RC3H2: variants seen among roughly 807,000 people sequenced by gnomAD.
RC3H2 encodes ring finger and CCCH-type domains 2.
Under a neutral mutation model 133.3 loss-of-function variants are expected in RC3H2, and 31 were observed. The observed-to-expected ratio is 0.23, with a 90% CI of 0.17 to 0.31. RC3H2 has a LOEUF of 0.31. Ranked by LOEUF, RC3H2 falls within the 10% of genes least tolerant of loss-of-function variation. The pLI is 1.00. For missense variants in RC3H2, 1,175 were observed against 1,437.2 expected, an observed-to-expected ratio of 0.82 and a Z score of 2.95; for synonymous variants, 517 against 502.2, an observed-to-expected ratio of 1.03 and a Z score of -0.40.
intron 9 of RC3H2, among the ~76,000 whole-genome samples, chr9:122,867,585 G>C (rs1290388870): frequency 2.6e-5 from 3 of 116,516 alleles, no homozygotes; most frequent in Non-Finnish European, 3.8e-5. Flanking sequence ...AGTGAGAAGC[G>C]TCTGCCCGGC....
At chr9:122,884,814 C>T (rs1455285034) in intron 4 of RC3H2, among the ~76,000 whole-genome samples, 1 of 150,548 alleles carries the variant, frequency 6.6e-6, no homozygotes, top group Non-Finnish European at 1.5e-5. Context: ...GATTACGCCA[C>T]TGCACTCCAG....
chr9:122,850,872 A>C (rs1398572219), intron 20 of RC3H2, among the ~76,000 whole-genome samples: 1 of 152,226 alleles, frequency 6.6e-6, no homozygotes, highest in Non-Finnish European at 1.5e-5. Context: ...GATTAACTTT[A>C]TCTCAACAAA....
intron 3 of RC3H2, among the ~76,000 whole-genome samples, chr9:122,892,345 T>C (rs370588985): frequency 1.3e-4 from 20 of 152,168 alleles, no homozygotes; most frequent in African/African-American, 4.8e-4. Flanking sequence ...ACTCCTGGGC[T>C]CAAGAAATCT....
chr9:122,891,415 A>G (rs181017906), intron 3 of RC3H2, among the ~76,000 whole-genome samples: 40 of 152,236 alleles, frequency 2.6e-4, no homozygotes, highest in Admixed American at 5.2e-4. Flanking sequence ...TACTTAGCCA[A>G]TTGTAGATCA....
At chr9:122,875,478 C>T (rs903038977) in intron 9 of RC3H2, 15 of 1,380,248 alleles carry the variant, frequency 1.1e-5, no homozygotes, top group Non-Finnish European at 1.4e-5. Context: ...TTGTCTGTGG[C>T]TGTTTTTTTG....
chr9:122,867,903 GC>G (rs1442061631), intron 9 of RC3H2, among the ~76,000 whole-genome samples: 1 of 38,722 alleles, frequency 2.6e-5, no homozygotes, highest in Non-Finnish European at 7.4e-5. Context: ...GGGGGGGTCA[GC>G]CCCCCGCCCA....
At chr9:122,853,375 C>T in intron 18 of RC3H2, among the ~76,000 whole-genome samples, 1 of 76,394 alleles carries the variant, frequency 1.3e-5, no homozygotes, top group African/African-American at 6.7e-5. Flanking sequence ...CAAGAATGAT[C>T]AATAAAAAAA....
chr9:122,852,764 G>T lies in RC3H2; in HGVS notation c.3117+1188C>A, dbSNP rs1419098398. On this transcript the variant is annotated intron_variant, in intron 18 of 20. Coordinates refer to ENST00000357244, the MANE Select transcript of RC3H2 (RefSeq NM_001100588.3). ...CCCCGTCCGGGAGGGAGGTGGGGGGGTCAGCCCCCCGCCTGGCCAGCCGCC... is the reference window on the plus strand; with the variant it reads ...CCCCGTCCGGGAGGGAGGTGGGGGGTTCAGCCCCCCGCCTGGCCAGCCGCC... Among the ~76,000 whole-genome samples the T allele has an allele frequency of 2.7e-3, 404 of 149,954 alleles. 1 individual carries two copies. Among genetic ancestry groups the T allele is most frequent in the Non-Finnish European group, 4.1e-3 (276 of 67,360 alleles).
chr9:122,905,072 C>T (rs914878480), intron 1 of RC3H2, 38 bp downstream of exon 1: 3 of 984,922 alleles, frequency 3.0e-6, no homozygotes, highest in African/African-American at 3.5e-5. Flanking sequence ...GGCACCCGGG[C>T]TGGGGCCCGA....
intron 13 of RC3H2, among the ~76,000 whole-genome samples, chr9:122,856,923 A>C (rs1830272478): frequency 6.6e-6 from 1 of 152,260 alleles, no homozygotes; most frequent in South Asian, 2.1e-4. Flanking sequence ...TCTAGCAAGC[A>C]AGTGGCAGCT....
chr9:122,893,745 T>G (rs1441571681), intron 2 of RC3H2, among the ~76,000 whole-genome samples: 1 of 152,002 alleles, frequency 6.6e-6, no homozygotes, highest in Non-Finnish European at 1.5e-5. Context: ...ACACAGTTGT[T>G]TTTTTTTCCC....
intron 9 of RC3H2, among the ~76,000 whole-genome samples, chr9:122,871,574 C>T (rs560962142): frequency 3.4e-4 from 52 of 152,072 alleles, no homozygotes; most frequent in African/African-American, 1.2e-3. Flanking sequence ...CCGCCTGCCT[C>T]GGCCTCCCAA....
rs1829868058 is a variant in RC3H2 at position 122,846,347 on chromosome 9, T to C, written c.*3280A>G. On this transcript the variant is annotated 3_prime_UTR_variant, in exon 21 of 21. Transcript: ENST00000357244. Reference sequence around the variant, plus strand: ...CACTGGCCTAATGAACTCCCTTTTTTTTGAAAATTACAATGCACAACTTTC... The same window carrying C: ...CACTGGCCTAATGAACTCCCTTTTTCTTGAAAATTACAATGCACAACTTTC... 6.6e-6 allele frequency: 1 copy of C among 152,194 alleles called. No individual in the cohort carries two copies. Among genetic ancestry groups the C allele is most frequent in the South Asian group, 2.1e-4 (1 of 4,834 alleles). 9.4% of individuals were successfully genotyped at this position (152,194 alleles called of 1,614,324 possible).
intron 18 of RC3H2, chr9:122,851,663 G>C: frequency 2.0e-6 from 1 of 499,576 alleles, no homozygotes; most frequent in Non-Finnish European, 3.5e-6. Context: ...CGCCTGACTG[G>C]TTTTCGTATT....
intron 9 of RC3H2, chr9:122,873,929 C>G (rs544528217): frequency 6.6e-6 from 1 of 152,014 alleles, no homozygotes; most frequent in Non-Finnish European, 1.5e-5. Flanking sequence ...GCCATTCTCC[C>G]GCCTCAGCCT....
chr9:122,852,939 AG>A (rs1299925516), intron 18 of RC3H2, among the ~76,000 whole-genome samples: 1 of 152,212 alleles, frequency 6.6e-6, no homozygotes, highest in Non-Finnish European at 1.5e-5. Flanking sequence ...TGGAATAGAA[AG>A]GGGGGAAAGG....
chr9:122,892,654 G>A (rs182589397), intron 3 of RC3H2, among the ~76,000 whole-genome samples: 11 of 152,166 alleles, frequency 7.2e-5, no homozygotes, highest in Middle Eastern at 3.4e-3. Context: ...CTTGTGATCC[G>A]CCCGCGCTGG....
At position 122,852,411 on chromosome 9, in the gene RC3H2, G is replaced by T. The variant is rs1345735765; in HGVS notation, c.3118-975C>A. On this transcript the variant is annotated intron_variant, in intron 18 of 20. Coordinates refer to ENST00000357244, the MANE Select transcript of RC3H2 (RefSeq NM_001100588.3). ...GCCCCGTCCGGGAGGGAGGTGGGGG[G>T]GTCAGCCCCCCGCCTGGCCAGCCGC... Among the ~76,000 whole-genome samples the T allele has an allele frequency of 7.3e-5, 11 of 149,878 alleles. No homozygotes were observed. The South Asian group carries it at 2.1e-3, about 29-fold the overall frequency.
intron 13 of RC3H2, among the ~76,000 whole-genome samples, chr9:122,857,351 A>AT (rs1485713750): frequency 1.3e-5 from 2 of 152,234 alleles, no homozygotes; most frequent in African/African-American, 4.8e-5. Context: ...CTGGTACACA[A>AT]ACTTGTTTGG....
Sources: allele counts gnomAD v4.1 joint callset (sites outside exome capture counted in the v4.1 genomes callset), GRCh38; gene constraint gnomAD v4.1.1; transcripts MANE v1.5; gene names NCBI Gene and HGNC (gene_info 2026-07-23, HGNC 2026-07-21).